Variants in TYW1 observed in about 807,000 individuals in gnomAD.
TYW1 encodes the protein S-adenosyl-L-methionine-dependent tRNA 4-demethylwyosine synthase TYW1.
TYW1 carries 46 observed loss-of-function variants against 96.2 expected under a neutral mutation model. The observed-to-expected ratio is 0.48, with a 90% CI of 0.38 to 0.61. The LOEUF (loss-of-function observed/expected upper bound fraction) is 0.61. TYW1 is among the 20% of genes least tolerant of loss of function. The probability of loss-of-function intolerance (pLI) is 0.00; values close to 1 mark genes in which losing one functional copy is unlikely to be tolerated. For missense variants in TYW1, 684 were observed against 909.6 expected (o/e 0.75, Z 3.19); for synonymous variants, 274 against 323.0 (o/e 0.85, Z 1.63).
At chr7:67,163,005 G>A (rs1217477604) in intron 13 of TYW1, among the ~76,000 whole-genome samples, 1 of 151,994 alleles carries the variant, frequency 6.6e-6, no homozygotes, top group Non-Finnish European at 1.5e-5. Context: ...CAGCTATTTT[G>A]TCTTCAGCTG....
At position 67,014,502 on chromosome 7, in the gene TYW1, G is replaced by C. The variant is rs774063244; in HGVS notation, c.511G>C (p.Gly171Arg). The change falls in exon 5 of 16, where the codon GGT becomes CGT. Residue 171 changes from glycine to arginine, a missense_variant. Coordinates refer to ENST00000359626, the MANE Select transcript of TYW1 (RefSeq NM_018264.4). ...DFRFGKTYLKGMRYAVFGLGN... is the reference protein window; with the variant it reads ...DFRFGKTYLKRMRYAVFGLGN... ...TCGATTTGGCAAAACTTACCTGAAG[G>C]GTATGAGATATGCGGTATTTGGCCT... 2.7e-5 allele frequency: 43 copies of C among 1,613,758 alleles called. No individual in the cohort carries two copies. Among genetic ancestry groups the C allele is most frequent in the Non-Finnish European group, 3.6e-5 (43 of 1,179,866 alleles).
intron 13 of TYW1, among the ~76,000 whole-genome samples, chr7:67,122,241 A>G (rs1235429625): frequency 6.6e-6 from 1 of 152,168 alleles, no homozygotes; most frequent in Admixed American, 6.5e-5. Context: ...CACGTTAACA[A>G]TGACCATTGG....
chr7:67,230,561 T>G (rs2116444377), intron 15 of TYW1, among the ~76,000 whole-genome samples: 1 of 152,120 alleles, frequency 6.6e-6, no homozygotes, highest in Middle Eastern at 3.4e-3. Flanking sequence ...TTCTAGGTGA[T>G]TCATTTGGTA....
chr7:67,098,278 A>T (rs1356195195), intron 11 of TYW1, among the ~76,000 whole-genome samples: 1 of 152,250 alleles, frequency 6.6e-6, no homozygotes, highest in Non-Finnish European at 1.5e-5. Context: ...CTTATTCTGC[A>T]TTCCAAATAA....
chr7:67,186,352 A>C (rs557261909), intron 14 of TYW1, among the ~76,000 whole-genome samples: 1 of 148,822 alleles, frequency 6.7e-6, no homozygotes, highest in African/African-American at 2.5e-5. Flanking sequence ...TCTGAAAAAA[A>C]TCAGTCAACA....
At chr7:67,168,785 C>G (rs1045569221) in intron 13 of TYW1, among the ~76,000 whole-genome samples, 13 of 151,996 alleles carry the variant, frequency 8.6e-5, no homozygotes, top group African/African-American at 2.4e-4. Flanking sequence ...GATCTTGGCT[C>G]ACTGCCACCT....
intron 13 of TYW1, among the ~76,000 whole-genome samples, chr7:67,167,198 G>A (rs993442153): frequency 2.6e-5 from 4 of 152,140 alleles, no homozygotes; most frequent in East Asian, 1.9e-4. Context: ...GGCCGGGCGC[G>A]GCGGCTCACG....
At chr7:67,134,968 A>AG (rs1798198567) in intron 13 of TYW1, among the ~76,000 whole-genome samples, 1 of 150,216 alleles carries the variant, frequency 6.7e-6, no homozygotes, top group Non-Finnish European at 1.5e-5. Flanking sequence ...AAAAAAAAAA[A>AG]AAATCAACCA....
At chr7:67,190,393 T>C (rs1159820710) in intron 14 of TYW1, among the ~76,000 whole-genome samples, 2 of 152,214 alleles carry the variant, frequency 1.3e-5, no homozygotes, top group Non-Finnish European at 2.9e-5. Flanking sequence ...TGATTTGGGG[T>C]GCCAAGAAGA....
chr7:67,034,393 A>G lies in TYW1; in HGVS notation c.984+9371A>G, dbSNP rs187466256. On this transcript the variant is annotated intron_variant, in intron 7 of 15. Coordinates refer to ENST00000359626, the MANE Select transcript of TYW1 (RefSeq NM_018264.4). ...AGTGCTGGGATTACAGTCGTGAGCC[A>G]CTGTGCCCGGCCTCCTTTAATTTAA... 2.9e-3 allele frequency among the ~76,000 whole-genome samples: 436 copies of G among 152,302 alleles called. 3 individuals are homozygous for G. Among genetic ancestry groups the G allele is most frequent in the Non-Finnish European group, 5.1e-3 (345 of 68,030 alleles).
intron 15 of TYW1, among the ~76,000 whole-genome samples, chr7:67,208,902 C>T (rs1056105592): frequency 1.3e-5 from 2 of 152,066 alleles, no homozygotes; most frequent in Non-Finnish European, 2.9e-5. Flanking sequence ...TTGTCATTGT[C>T]ATATTCTATG....
intron 13 of TYW1, among the ~76,000 whole-genome samples, chr7:67,130,474 C>A (rs1798035430): frequency 6.6e-6 from 1 of 151,532 alleles, no homozygotes; most frequent in Non-Finnish European, 1.5e-5. Flanking sequence ...GAGGTCGAGA[C>A]CATCCTGGCT....
intron 13 of TYW1, among the ~76,000 whole-genome samples, chr7:67,147,474 C>T (rs13222367): frequency 0.26 from 39,565 of 151,918 alleles, 5,633 homozygotes; most frequent in African/African-American, 0.38. Flanking sequence ...ATTGGTTACA[C>T]AGATAAACTT....
chr7:67,104,306 C>T (rs1002422209), intron 12 of TYW1, among the ~76,000 whole-genome samples: 23 of 152,064 alleles, frequency 1.5e-4, no homozygotes, highest in Non-Finnish European at 2.6e-4. Flanking sequence ...ACAGGAAGCA[C>T]GGCAGGGGAG....
intron 13 of TYW1, among the ~76,000 whole-genome samples, chr7:67,147,048 T>C (rs1798630103): frequency 6.6e-6 from 1 of 152,196 alleles, no homozygotes; most frequent in South Asian, 2.1e-4. Flanking sequence ...GAACTAGGTG[T>C]CTTAGTCACC....
rs1434257223 is a variant in TYW1, at chr7:67,195,090, G to A, written c.1810-80G>A. ...GATTGCATTGGTTGACCTCAAGAAGGTTTTCCGGCTCTGAAAGTCTTCTTC... is the reference window on the plus strand; with the variant it reads ...GATTGCATTGGTTGACCTCAAGAAGATTTTCCGGCTCTGAAAGTCTTCTTC... On this transcript the variant is annotated intron_variant, in intron 14 of 15. Transcript: ENST00000359626. The A allele has an allele frequency of 2.5e-5, 38 of 1,529,552 alleles. No homozygotes were observed. The South Asian group carries it at 4.3e-4, about 18-fold the overall frequency. The allele number at this position is 1,529,552 out of a possible 1,614,324, so 94.7% of individuals were successfully genotyped here. A position where few individuals can be genotyped will look rare whatever the true frequency, so the allele number is the denominator to read the frequency against.
chr7:67,100,437 G>A (rs1797050656), intron 12 of TYW1, among the ~76,000 whole-genome samples: 1 of 151,030 alleles, frequency 6.6e-6, no homozygotes, highest in Non-Finnish European at 1.5e-5. Context: ...TTTGCCTGGC[G>A]CACTAAAGGT....
intron 10 of TYW1, among the ~76,000 whole-genome samples, chr7:67,078,942 C>T (rs893305289): frequency 2.0e-5 from 3 of 152,192 alleles, no homozygotes; most frequent in African/African-American, 7.2e-5. Context: ...GATCCGCCCA[C>T]CTTGGCCTCC....
chr7:67,110,752 G>A (rs1391800535), intron 12 of TYW1, among the ~76,000 whole-genome samples: 2 of 152,076 alleles, frequency 1.3e-5, no homozygotes, highest in Middle Eastern at 3.2e-3. Flanking sequence ...GTCTGTCATT[G>A]CTTGAACTTC....
Sources: allele counts gnomAD v4.1 joint callset (sites outside exome capture counted in the v4.1 genomes callset), GRCh38; gene constraint gnomAD v4.1.1; transcripts MANE v1.5; gene names NCBI Gene and HGNC (gene_info 2026-07-23, HGNC 2026-07-21).